NRXN3: variants seen among roughly 807,000 people sequenced by gnomAD.
NRXN3 encodes neurexin 3, also known as neurexin III.
Under a neutral mutation model 137.6 loss-of-function variants are expected in NRXN3, and 32 were observed. That is an observed-to-expected ratio of 0.23 (90% confidence interval 0.18 to 0.31). The LOEUF is 0.31. NRXN3 is among the 10% of genes least tolerant of loss of function. NRXN3 has a pLI of 1.00. For synonymous variants in NRXN3, 798 were observed against 784.5 expected, an observed-to-expected ratio of 1.02 and a Z score of -0.29; for missense variants, 1,574 against 2,062.5, an observed-to-expected ratio of 0.76 and a Z score of 4.59.
At chr14:78,788,178 A>G (rs1485981100) in intron 8 of NRXN3, among the ~76,000 whole-genome samples, 1 of 152,176 alleles carries the variant, frequency 6.6e-6, no homozygotes, top group African/African-American at 2.4e-5. Context: ...GCTACCTGCA[A>G]CATGGAAGTA....
chr14:78,352,802 G>A (rs1381446944), intron 4 of NRXN3, among the ~76,000 whole-genome samples: 7 of 152,220 alleles, frequency 4.6e-5, no homozygotes, highest in Non-Finnish European at 7.3e-5. Context: ...AGCTGGGCAG[G>A]CCCTTGAGGG....
rs1353566998 is a variant in NRXN3, at chr14:78,243,380, C to G, written c.287C>G (p.Thr96Ser). 5 of 1,564,962 alleles carry G rather than the reference C, an allele frequency of 3.2e-6. No individual in the cohort carries two copies. Among genetic ancestry groups the G allele is most frequent in the Non-Finnish European group, 4.3e-6 (5 of 1,162,940 alleles). ...CGCTTCAGCATGGACTGTGCCGAGA[C>G]TGCCGTGCTGTCCAACAAGCAGGTG... is the stretch of plus-strand genomic sequence containing the variant. ...QLRFSMDCAETAVLSNKQVND... is the reference protein window; with the variant it reads ...QLRFSMDCAESAVLSNKQVND... The change falls in exon 2 of 21, where the codon ACT becomes AGT. Residue 96 changes from threonine (T) to serine (S), a missense_variant. Thr to Ser is a moderately conservative substitution (Grantham distance 58, BLOSUM62 1). Around this residue, in one of 5 missense-constraint regions of NRXN3, gnomAD observed 400 missense variants for 527.3 expected, o/e 0.76. Coordinates refer to ENST00000335750, the MANE Select transcript of NRXN3 (RefSeq NM_001330195.2). This position sits in a 1 kb window ranked among gnomAD's most constrained non-coding sequence, Gnocchi z 4.2.
chr14:79,277,073 A>T (rs958587896), intron 15 of NRXN3, among the ~76,000 whole-genome samples: 1 of 152,144 alleles, frequency 6.6e-6, no homozygotes, highest in Non-Finnish European at 1.5e-5. Context: ...AAACAAGGTA[A>T]TGGGAGGGGA....
chr14:79,262,097 A>C (rs1250485249), intron 15 of NRXN3, among the ~76,000 whole-genome samples: 2 of 152,196 alleles, frequency 1.3e-5, no homozygotes, highest in African/African-American at 4.8e-5. Flanking sequence ...CCACATTTAT[A>C]CAATGTTTAC....
intron 4 of NRXN3, among the ~76,000 whole-genome samples, chr14:78,504,262 A>G (rs2095938432): frequency 6.6e-6 from 1 of 152,208 alleles, no homozygotes; most frequent in Non-Finnish European, 1.5e-5. Context: ...CAAAGACAGC[A>G]GTCACCAGTT....
intron 20 of NRXN3, among the ~76,000 whole-genome samples, chr14:79,837,905 T>C (rs2099347654): frequency 6.6e-6 from 1 of 152,164 alleles, no homozygotes; most frequent in Non-Finnish European, 1.5e-5. Context: ...CAGGGCATAT[T>C]GGGAAATACC....
At chr14:79,038,989 T>G (rs1286027892) in intron 15 of NRXN3, among the ~76,000 whole-genome samples, 1 of 152,094 alleles carries the variant, frequency 6.6e-6, no homozygotes, top group African/African-American at 2.4e-5. Flanking sequence ...GAGAAGAATA[T>G]TGTTAAATAT....
chr14:78,307,527 CTT>C (rs2077493787), intron 4 of NRXN3, among the ~76,000 whole-genome samples: 2 of 152,066 alleles, frequency 1.3e-5, no homozygotes, highest in African/African-American at 4.8e-5. Flanking sequence ...ATATTGTCCT[CTT>C]GTGAGGTAGC....
In NRXN3 at chr14:78,778,758, C is replaced by CTTTCTT. The variant is rs1555489894; in HGVS notation, c.2045-24861_2045-24860insTTCTTT. ...TCTCTCTTTCTTTCTTTCCTTCTTTCTCTTTCTTTCTTTCTTTCTTTCTTT... is the reference window on the plus strand; with the variant it reads ...TCTCTCTTTCTTTCTTTCCTTCTTTCTTTCTTTCTTTCTTTCTTTCTTTCTTTCTTT... On this transcript the variant is annotated intron_variant, in intron 8 of 20. Coordinates refer to ENST00000335750, the MANE Select transcript of NRXN3 (RefSeq NM_001330195.2). Among the ~76,000 whole-genome samples, 167 of 97,200 alleles carry CTTTCTT rather than the reference C, an allele frequency of 1.7e-3. 1 individual carries two copies. The highest frequency in any genetic ancestry group is 6.2e-3 in the African/African-American group (152 of 24,390). The allele number at this position is 97,200 out of a possible 152,430, so 63.8% of individuals were successfully genotyped here.
chr14:79,694,507 A>G lies in NRXN3; in HGVS notation c.3706+2245A>G, dbSNP rs528426981. Among the ~76,000 whole-genome samples, 8 of 149,618 alleles carry G rather than the reference A, an allele frequency of 5.3e-5. No homozygotes were observed. The South Asian group carries it at 1.7e-3, about 32-fold the overall frequency. On this transcript the variant is annotated intron_variant, in intron 18 of 20. Coordinates refer to ENST00000335750, the MANE Select transcript of NRXN3 (RefSeq NM_001330195.2). ...AAATAGTTCTCAGATTAGGATATAT[A>G]TGCATAAATATGCACATATATATAT...
At chr14:79,305,515 C>T (rs2085897534) in intron 15 of NRXN3, among the ~76,000 whole-genome samples, 1 of 152,036 alleles carries the variant, frequency 6.6e-6, no homozygotes. Flanking sequence ...TAGAGGTCAT[C>T]TCAGCCAGAA....
At chr14:78,984,086 G>A (rs2099496774) in intron 14 of NRXN3, among the ~76,000 whole-genome samples, 1 of 152,068 alleles carries the variant, frequency 6.6e-6, no homozygotes, top group Non-Finnish European at 1.5e-5. Context: ...GGAAAAATAA[G>A]AGATGTTGAT....
intron 15 of NRXN3, among the ~76,000 whole-genome samples, chr14:79,380,149 CTTTT>C (rs949863265): frequency 2.0e-5 from 1 of 48,946 alleles, no homozygotes; most frequent in African/African-American, 8.8e-5. Context: ...TATACTTCTT[CTTTT>C]TTTTTTTTTT....
chr14:78,470,930 T>G (rs2095252955), intron 4 of NRXN3, among the ~76,000 whole-genome samples: 1 of 152,162 alleles, frequency 6.6e-6, no homozygotes. Context: ...AGATAGCTAG[T>G]GTCAAAACCA....
chr14:78,171,359 T>C (rs181022270), intron 1 of NRXN3, among the ~76,000 whole-genome samples: 34 of 151,760 alleles, frequency 2.2e-4, no homozygotes, highest in East Asian at 1.4e-3. Flanking sequence ...TGTGTGTGTG[T>C]GCGCGGGTGT....
intron 4 of NRXN3, among the ~76,000 whole-genome samples, chr14:78,509,938 G>A (rs555914892): frequency 2.0e-4 from 31 of 152,138 alleles, no homozygotes; most frequent in African/African-American, 7.0e-4. Flanking sequence ...TAAAGGTTCT[G>A]AGACTCAGAA....
chr14:78,748,750 T>C (rs964282721), intron 8 of NRXN3, among the ~76,000 whole-genome samples: 1 of 152,198 alleles, frequency 6.6e-6, no homozygotes, highest in Non-Finnish European at 1.5e-5. Flanking sequence ...AATACCTGTC[T>C]ATGCACTGTT....
chr14:78,760,033 T>C (rs1223632204), intron 8 of NRXN3, among the ~76,000 whole-genome samples: 1 of 129,354 alleles, frequency 7.7e-6, no homozygotes. Context: ...GAGCCTGCAG[T>C]CTTTTTTTTT....
chr14:79,819,463 T>G (rs2099263667), intron 20 of NRXN3, among the ~76,000 whole-genome samples: 2 of 140,122 alleles, frequency 1.4e-5, no homozygotes, highest in South Asian at 4.8e-4. Flanking sequence ...CCACATAGGA[T>G]ACAACAGGAC....
Sources: gnomAD v4.1 joint callset for allele counts (sites outside exome capture counted in the v4.1 genomes callset) on GRCh38, gnomAD v4.1.1 for gene constraint, gnomAD v4.1.1 regional missense constraint, Gnocchi (gnomAD v3.1) non-coding constraint, MANE v1.5 for transcripts, NCBI Gene and HGNC (gene_info 2026-07-23, HGNC 2026-07-21) for gene names.